Variants in SNTG1 observed in about 807,000 individuals in gnomAD.
SNTG1 encodes syntrophin gamma 1, also known as gamma-1-syntrophin.
A neutral mutation model predicts 74.7 loss-of-function variants in SNTG1; 39 were observed. That is an observed-to-expected ratio of 0.52 (90% CI 0.40 to 0.68). The LOEUF (loss-of-function observed/expected upper bound fraction) is 0.68. SNTG1 is among the 30% of genes least tolerant of loss of function. SNTG1 has a pLI of 0.00. For missense variants in SNTG1, 685 were observed against 609.5 expected, an observed-to-expected ratio of 1.12 and a Z score of -1.30; for synonymous variants, 254 against 217.1, an observed-to-expected ratio of 1.17 and a Z score of -1.49.
At chr8:50,277,289 T>G (rs6996995) in intron 2 of SNTG1, among the ~76,000 whole-genome samples, 86,552 of 146,662 alleles carry the variant, frequency 0.59, 28,190 homozygotes, top group East Asian at 0.84. Flanking sequence ...AAAAAATGAG[T>G]TTGTCTTTCA....
At chr8:50,162,447 G>A (rs958112284) in intron 1 of SNTG1, among the ~76,000 whole-genome samples, 26 of 151,016 alleles carry the variant, frequency 1.7e-4, no homozygotes, top group Admixed American at 1.1e-3. Flanking sequence ...CTGTAGTCCC[G>A]GCTACTTGGG....
intron 15 of SNTG1, among the ~76,000 whole-genome samples, chr8:50,701,501 C>T (rs550343258): frequency 2.6e-5 from 4 of 152,216 alleles, no homozygotes; most frequent in South Asian, 2.1e-4. Flanking sequence ...ATATTCTACT[C>T]GTTTTCAGCC....
In SNTG1 at chr8:50,215,827, T is replaced by G. The variant is rs549534982; in HGVS notation, c.-28+43192T>G. 5.0e-4 allele frequency among the ~76,000 whole-genome samples: 76 copies of G among 152,280 alleles called. 1 individual carries two copies. In the South Asian group the frequency reaches 0.016, roughly 31 times the overall value. ...ATTTAATCTCAGCTAACTCTTCACA[T>G]GGCATCTGCCACATGGATAACAAGG... On this transcript the variant is annotated intron_variant, in intron 2 of 18. Transcript: ENST00000642720.
intron 15 of SNTG1, among the ~76,000 whole-genome samples, chr8:50,699,670 C>T (rs1380754903): frequency 6.6e-6 from 1 of 152,072 alleles, no homozygotes; most frequent in Non-Finnish European, 1.5e-5. Flanking sequence ...ATTATCATTA[C>T]TATTATTAAA....
At chr8:50,777,937 G>C (rs2095646009) in intron 18 of SNTG1, among the ~76,000 whole-genome samples, 1 of 152,014 alleles carries the variant, frequency 6.6e-6, no homozygotes, top group African/African-American at 2.4e-5. Context: ...CCACCTATGA[G>C]TGAGAATATG....
chr8:50,153,508 C>T (rs1363154188), intron 1 of SNTG1, among the ~76,000 whole-genome samples: 1 of 152,108 alleles, frequency 6.6e-6, no homozygotes. Flanking sequence ...CTTTTCTGCT[C>T]TGTTTTTTCC....
chr8:50,750,466 C>A (rs1436084805), intron 17 of SNTG1, among the ~76,000 whole-genome samples: 4 of 151,976 alleles, frequency 2.6e-5, no homozygotes, highest in African/African-American at 2.4e-5. Flanking sequence ...TTCAGAAATT[C>A]TGTGGGTAAA....
At chr8:50,182,816 T>A (rs2083252922) in intron 2 of SNTG1, among the ~76,000 whole-genome samples, 3 of 152,102 alleles carry the variant, frequency 2.0e-5, no homozygotes, top group Admixed American at 6.6e-5. Context: ...GCATCCCATA[T>A]CACTCCTCTT....
intron 2 of SNTG1, among the ~76,000 whole-genome samples, chr8:50,222,558 C>T (rs2085121924): frequency 6.6e-6 from 1 of 152,146 alleles, no homozygotes; most frequent in Non-Finnish European, 1.5e-5. Context: ...AGTCATCCTC[C>T]AGTGCTACAG....
At chr8:50,704,430 T>C (rs1231019011) in intron 15 of SNTG1, 170 bp from the exon 16 acceptor site, 4 of 767,184 alleles carry the variant, frequency 5.2e-6, no homozygotes, top group South Asian at 4.4e-5. Context: ...AAGTCATGTG[T>C]TGGGGCTTTG....
intron 17 of SNTG1, among the ~76,000 whole-genome samples, chr8:50,728,731 A>G (rs1342864516): frequency 6.6e-6 from 1 of 152,146 alleles, no homozygotes; most frequent in African/African-American, 2.4e-5. Flanking sequence ...GGCTGTTGTA[A>G]AATCTCTGAA....
intron 4 of SNTG1, among the ~76,000 whole-genome samples, chr8:50,405,625 A>G (rs1389365325): frequency 1.3e-5 from 2 of 151,996 alleles, no homozygotes; most frequent in African/African-American, 4.8e-5. Context: ...AGTATTTTTG[A>G]TGCACAAAAG....
At chr8:50,007,455 A>G (rs1187449662) in intron 1 of SNTG1, among the ~76,000 whole-genome samples, 1 of 152,128 alleles carries the variant, frequency 6.6e-6, no homozygotes, top group Non-Finnish European at 1.5e-5. Flanking sequence ...TTTAAAACGT[A>G]GGCATTTTTC....
chr8:50,134,355 A>G (rs974237408), intron 1 of SNTG1, among the ~76,000 whole-genome samples: 4 of 152,202 alleles, frequency 2.6e-5, no homozygotes, highest in African/African-American at 9.6e-5. Flanking sequence ...TGAAAAGAGC[A>G]CAGGGAGAGG....
At chr8:49,954,396 T>A (rs1392838349) in intron 1 of SNTG1, among the ~76,000 whole-genome samples, 1 of 152,180 alleles carries the variant, frequency 6.6e-6, no homozygotes, top group Non-Finnish European at 1.5e-5. Flanking sequence ...GGCTGTAAGA[T>A]CTAATAAGTA....
At chr8:50,756,740 T>G (rs2095581565) in intron 18 of SNTG1, among the ~76,000 whole-genome samples, 2 of 151,776 alleles carry the variant, frequency 1.3e-5, no homozygotes, top group African/African-American at 4.8e-5. Flanking sequence ...AATAGTGTGA[T>G]GGCTATTCTG....
At position 50,530,193 on chromosome 8, in the gene SNTG1, G is replaced by A; in HGVS notation, c.483G>A (p.Gln161=). The A allele has an allele frequency of 6.2e-7, 1 of 1,613,752 alleles. No individual in the cohort carries two copies. Among genetic ancestry groups the A allele is most frequent in the Non-Finnish European group, 8.5e-7 (1 of 1,179,754 alleles). The change falls in exon 10 of 19, where the codon CAG becomes CAA. Residue 161 remains glutamine (Q), a synonymous_variant. Coordinates refer to ENST00000642720, the MANE Select transcript of SNTG1 (RefSeq NM_018967.5). ...NEDCACAPSD[Q]SSGTSSPLCD... ...CTCCTGCAGGTGCTCCAAGTGACCA[G>A]AGCAGTGGCACCTCCTCTCCTCTCT...
chr8:50,421,233 T>G (rs1211670584), intron 4 of SNTG1, among the ~76,000 whole-genome samples: 1 of 152,104 alleles, frequency 6.6e-6, no homozygotes, highest in East Asian at 1.9e-4. Flanking sequence ...GAAAGCAAGT[T>G]TATTAAGATA....
chr8:50,712,978 C>T (rs1414134428), intron 17 of SNTG1, among the ~76,000 whole-genome samples: 3 of 152,104 alleles, frequency 2.0e-5, no homozygotes, highest in Non-Finnish European at 4.4e-5. Flanking sequence ...GTGCATGTGT[C>T]TTTATAGGAG....
Sources: allele counts gnomAD v4.1 joint callset (sites outside exome capture counted in the v4.1 genomes callset), GRCh38; gene constraint gnomAD v4.1.1; transcripts MANE v1.5; gene names NCBI Gene and HGNC (gene_info 2026-07-23, HGNC 2026-07-21).